CDH4: variants seen among roughly 807,000 people sequenced by gnomAD.
CDH4 encodes the protein cadherin 4, also known as cadherin-4.
In CDH4, 33 loss-of-function variants were observed where a neutral mutation model predicts 86.0. The ratio of observed to expected loss-of-function variants is 0.38; its 90% confidence interval spans 0.29 to 0.51. The LOEUF (loss-of-function observed/expected upper bound fraction) is 0.51. CDH4 is among the 20% of genes least tolerant of loss of function. The pLI is 0.86. For synonymous variants in CDH4, 555 were observed against 549.4 expected (o/e 1.01, Z -0.14); for missense variants, 1,114 against 1,307.4 (o/e 0.85, Z 2.28).
intron 2 of CDH4, among the ~76,000 whole-genome samples, chr20:61,599,275 G>A (rs1158596253): frequency 2.6e-5 from 4 of 152,146 alleles, no homozygotes; most frequent in African/African-American, 7.2e-5. Flanking sequence ...CCGGCTGAGC[G>A]GGCAGCTGTG....
At chr20:61,565,567 A>G (rs6061643) in intron 2 of CDH4, among the ~76,000 whole-genome samples, 54,273 of 151,126 alleles carry the variant, frequency 0.36, 11,170 homozygotes, top group African/African-American at 0.58. Context: ...GAGGCCCATG[A>G]GGTCCCATGC....
At chr20:61,672,448 A>G (rs2087401031) in intron 2 of CDH4, among the ~76,000 whole-genome samples, 1 of 152,242 alleles carries the variant, frequency 6.6e-6, no homozygotes, top group Non-Finnish European at 1.5e-5. Flanking sequence ...AAAGTCAGAC[A>G]CACAGACTTC....
At chr20:61,661,832 G>A (rs776562097) in intron 2 of CDH4, among the ~76,000 whole-genome samples, 15 of 152,098 alleles carry the variant, frequency 9.9e-5, no homozygotes, top group South Asian at 2.1e-4. Context: ...TGGCAGGTGC[G>A]GAGGGTGGGT....
chr20:61,844,795 T>C lies in CDH4; in HGVS notation c.704T>C (p.Met235Thr). 6.2e-7 allele frequency: 1 copy of C among 1,613,640 alleles called. No homozygotes were observed. Among genetic ancestry groups the C allele is most frequent in the Non-Finnish European group, 8.5e-7 (1 of 1,179,746 alleles). ...GGCCGGATGTACGTCACAAGGCCCA[T>C]GGACCGGGAGGAGCACGCCTCTTAC... ...MSGRMYVTRP[M>T]DREEHASYHL... is the part of the protein sequence containing the mutation. The change falls in exon 5 of 16, where the codon ATG becomes ACG. Residue 235 changes from methionine (M) to threonine (T), a missense_variant. By Grantham distance (81) the Met-to-Thr change is moderately conservative. This residue lies in a region of CDH4 where 705 missense variants were observed against 914.1 expected (regional missense o/e 0.77). Transcript: ENST00000614565.
At position 61,663,888 on chromosome 20, in the gene CDH4, C is replaced by T. The variant is rs925664826; in HGVS notation, c.170-79675C>T. Among the ~76,000 whole-genome samples the T allele has an allele frequency of 3.9e-5, 6 of 152,188 alleles. No homozygotes were observed. Among genetic ancestry groups the T allele is most frequent in the African/African-American group, 7.2e-5 (3 of 41,462 alleles). On this transcript the variant is annotated intron_variant, in intron 2 of 15. Coordinates refer to ENST00000614565, the MANE Select transcript of CDH4 (RefSeq NM_001794.5). This position sits in a 1 kb window ranked among gnomAD's most constrained non-coding sequence, Gnocchi z 5.0. ...CCGCCCTGGCCCTCCACACTCCCAC[C>T]GCTGGCGCCAGCATCTGTGCCCGCG...
intron 2 of CDH4, among the ~76,000 whole-genome samples, chr20:61,551,807 A>G (rs1207268512): frequency 1.3e-5 from 2 of 152,236 alleles, no homozygotes; most frequent in African/African-American, 2.4e-5. Context: ...AAGTGAATTA[A>G]GAGTCTAGAA....
At chr20:61,905,716 G>A (rs2054781243) in intron 8 of CDH4, among the ~76,000 whole-genome samples, 1 of 152,188 alleles carries the variant, frequency 6.6e-6, no homozygotes, top group Admixed American at 6.5e-5. Context: ...AGACAGCCAG[G>A]TGCACCTGGC....
intron 2 of CDH4, among the ~76,000 whole-genome samples, chr20:61,415,533 C>T (rs759246211): frequency 1.3e-5 from 2 of 152,034 alleles, no homozygotes; most frequent in East Asian, 1.9e-4. Flanking sequence ...CACTCCCAGC[C>T]GCACTCTCCC....
At chr20:61,493,616 G>A (rs1600710975) in intron 2 of CDH4, among the ~76,000 whole-genome samples, 1 of 152,326 alleles carries the variant, frequency 6.6e-6, no homozygotes, top group African/African-American at 2.4e-5. Flanking sequence ...CAGGAGACAG[G>A]TTCCCAGGGG....
chr20:61,663,660 G>A lies in CDH4; in HGVS notation c.170-79903G>A, dbSNP rs559060216. On this transcript the variant is annotated intron_variant, in intron 2 of 15. Coordinates refer to ENST00000614565, the MANE Select transcript of CDH4 (RefSeq NM_001794.5). The surrounding 1 kb of genome is among the most constrained non-coding windows in gnomAD (Gnocchi z 5.0). ...GGCTGCCCAGGGGAAGCGGGGACTCGAGGAGAGCAGGGAGTGCTGTCTTCC... is the reference window on the plus strand; with the variant it reads ...GGCTGCCCAGGGGAAGCGGGGACTCAAGGAGAGCAGGGAGTGCTGTCTTCC... Among the ~76,000 whole-genome samples, 79 of 152,206 alleles carry A rather than the reference G, an allele frequency of 5.2e-4. No individual in the cohort carries two copies. The highest frequency in any genetic ancestry group is 2.7e-3 in the South Asian group (13 of 4,806).
chr20:61,668,965 C>T (rs1025097130), intron 2 of CDH4, among the ~76,000 whole-genome samples: 1 of 152,206 alleles, frequency 6.6e-6, no homozygotes, highest in African/African-American at 2.4e-5. Context: ...TTGGGACAAC[C>T]CTGGGAAGCC....
At chr20:61,848,497 A>G (rs74824393) in intron 5 of CDH4, among the ~76,000 whole-genome samples, 5,141 of 151,748 alleles carry the variant, frequency 0.034, 134 homozygotes, top group African/African-American at 0.075. Context: ...TCAGCCTCCC[A>G]AGTACCTAGG....
chr20:61,443,942 A>ATC (rs77984508), intron 2 of CDH4, among the ~76,000 whole-genome samples: 88,892 of 147,800 alleles, frequency 0.6, 26,630 homozygotes, highest in African/African-American at 0.7. Context: ...CTTTGTGGAT[A>ATC]TCTGTGTGTG....
intron 7 of CDH4, among the ~76,000 whole-genome samples, chr20:61,889,483 AGT>A (rs1984699058): frequency 9.6e-5 from 1 of 10,452 alleles, no homozygotes; most frequent in African/African-American, 1.4e-4. Context: ...ATGATGGATG[AGT>A]GAGTGGATGA....
intron 2 of CDH4, among the ~76,000 whole-genome samples, chr20:61,626,291 G>A (rs995879228): frequency 3.3e-5 from 5 of 152,108 alleles, no homozygotes; most frequent in African/African-American, 1.2e-4. Context: ...AGCTGGAGGC[G>A]ACCTCTGCAC....
chr20:61,856,230 C>A (rs188934444), intron 6 of CDH4, among the ~76,000 whole-genome samples: 1 of 152,190 alleles, frequency 6.6e-6, no homozygotes, highest in African/African-American at 2.4e-5. Flanking sequence ...GTTTCAGATG[C>A]GTGTTCTAAT....
chr20:61,705,797 A>G (rs1365753208), intron 2 of CDH4, among the ~76,000 whole-genome samples: 1 of 152,242 alleles, frequency 6.6e-6, no homozygotes, highest in Non-Finnish European at 1.5e-5. Flanking sequence ...AGAATCGCCG[A>G]CAGGCTCCAT....
At chr20:61,636,120 C>T (rs1299193340) in intron 2 of CDH4, among the ~76,000 whole-genome samples, 1 of 152,228 alleles carries the variant, frequency 6.6e-6, no homozygotes, top group Non-Finnish European at 1.5e-5. Context: ...TTTTCCTCAT[C>T]TCACTTCCAA....
chr20:61,734,535 G>A (rs2088236590), intron 2 of CDH4, among the ~76,000 whole-genome samples: 3 of 152,242 alleles, frequency 2.0e-5, no homozygotes, highest in South Asian at 4.1e-4. Flanking sequence ...GGGGAGGGAC[G>A]GCCTTGGTTG....
Sources: gnomAD v4.1 joint callset for allele counts (sites outside exome capture counted in the v4.1 genomes callset) on GRCh38, gnomAD v4.1.1 for gene constraint, gnomAD v4.1.1 regional missense constraint, Gnocchi (gnomAD v3.1) non-coding constraint, MANE v1.5 for transcripts, NCBI Gene and HGNC (gene_info 2026-07-23, HGNC 2026-07-21) for gene names.